ITGAE: variants seen among roughly 807,000 people sequenced by gnomAD.
ITGAE encodes integrin alpha-E.
ITGAE carries 99 observed loss-of-function variants against 136.5 expected under a neutral mutation model. That is an observed-to-expected ratio of 0.73 (90% CI 0.62 to 0.86). The LOEUF (loss-of-function observed/expected upper bound fraction) is 0.86. Ranked by LOEUF, ITGAE falls within the 40% of genes least tolerant of loss-of-function variation. ITGAE has a pLI of 0.00. For synonymous variants in ITGAE, 613 were observed against 591.8 expected, an observed-to-expected ratio of 1.04 and a Z score of -0.52; for missense variants, 1,447 against 1,515.3, an observed-to-expected ratio of 0.95 and a Z score of 0.75.
In ITGAE at chr17:3,743,378, C is replaced by T. The variant is rs118099994; in HGVS notation, c.2448+111G>A. 5.3e-3 allele frequency: 6,788 copies of T among 1,269,782 alleles called. 29 individuals are homozygous for T. Among genetic ancestry groups the T allele is most frequent in the Non-Finnish European group, 5.8e-3 (5,404 of 926,106 alleles). 78.7% of individuals were successfully genotyped at this position (1,269,782 alleles called of 1,614,324 possible). A position where few individuals can be genotyped will look rare whatever the true frequency, so the allele number is the denominator to read the frequency against. ...TGAGTACGGTGAGGGGCCCAAATGC[C>T]GTCTGAAGACATTGCCTCCCAACTC... On this transcript the variant is annotated intron_variant, in intron 19 of 30. Transcript: ENST00000263087.
intron 2 of ITGAE, among the ~76,000 whole-genome samples, chr17:3,771,604 G>A (rs1168327855): frequency 2.0e-5 from 3 of 148,722 alleles, no homozygotes; most frequent in Non-Finnish European, 3.0e-5. Flanking sequence ...GCAATGCTGC[G>A]GTCTTGGCTC....
At chr17:3,740,007 G>T in intron 19 of ITGAE, 129 bp from the exon 20 acceptor site, 1 of 718,118 alleles carries the variant, frequency 1.4e-6, no homozygotes, top group Non-Finnish European at 2.5e-6. Context: ...CAGTTACAGG[G>T]AGGTGAGGGG....
At position 3,757,697 on chromosome 17, in the gene ITGAE, GGCTCTT is replaced by G. The variant is rs2052062482; in HGVS notation, c.1020+3_1020+8del. Reference sequence around the variant, plus strand: ...GTTCAGGAGGTGTCTCCCGGCTCCTGGCTCTTACCCCAATGGCAAAGCGCTCAACAC... The same window carrying G: ...GTTCAGGAGGTGTCTCCCGGCTCCTGACCCCAATGGCAAAGCGCTCAACAC... On this transcript the variant is annotated splice_donor_5th_base_variant and intron_variant, in intron 9 of 30. Coordinates refer to ENST00000263087, the MANE Select transcript of ITGAE (RefSeq NM_002208.5). The G allele has an allele frequency of 6.2e-7, 1 of 1,613,274 alleles. No individual in the cohort carries two copies. The highest frequency in any genetic ancestry group is 8.5e-7 in the Non-Finnish European group (1 of 1,179,470).
chr17:3,737,100 C>T (rs2051475652), intron 20 of ITGAE, among the ~76,000 whole-genome samples: 1 of 152,088 alleles, frequency 6.6e-6, no homozygotes, highest in Non-Finnish European at 1.5e-5. Flanking sequence ...CAAGACCAGC[C>T]TGGCCAACAT....
intron 2 of ITGAE, among the ~76,000 whole-genome samples, chr17:3,769,408 A>C (rs2052369115): frequency 1.4e-5 from 2 of 147,702 alleles, no homozygotes; most frequent in African/African-American, 2.5e-5. Context: ...CAGGGTGCGC[A>C]CTGCAGATCC....
chr17:3,740,014 G>A, intron 19 of ITGAE, 136 bp from the exon 20 acceptor site: 1 of 700,246 alleles, frequency 1.4e-6, no homozygotes, highest in South Asian at 1.6e-5. Context: ...AGGGAGGTGA[G>A]GGGTGCAGGC....
At position 3,790,989 on chromosome 17, in the gene ITGAE, CT is replaced by C. The variant is rs1467255738; in HGVS notation, c.34+10121del. 3.3e-5 allele frequency among the ~76,000 whole-genome samples: 5 copies of C among 151,940 alleles called. No homozygotes were observed. The South Asian group carries it at 1.0e-3, about 32-fold the overall frequency. The stretch of plus-strand genomic sequence containing the variant: ...CTAACACGGTGAAACCCCTTCTCTA[CT>C]AAAACTACAAAAAAATTAGCCAGGC... On this transcript the variant is annotated intron_variant, in intron 1 of 30. Transcript: ENST00000263087.
intron 1 of ITGAE, among the ~76,000 whole-genome samples, chr17:3,789,915 T>C (rs1190136618): frequency 2.0e-5 from 3 of 152,180 alleles, no homozygotes; most frequent in East Asian, 1.9e-4. Flanking sequence ...ACCAAACTAT[T>C]TTGTGAGCCC....
chr17:3,753,674 C>T, intron 13 of ITGAE, 109 bp downstream of exon 13: 1 of 1,407,070 alleles, frequency 7.1e-7, no homozygotes, highest in Non-Finnish European at 9.6e-7. Context: ...CTGAGTTTCA[C>T]CCAGCCCGGG....
intron 30 of ITGAE, among the ~76,000 whole-genome samples, chr17:3,716,458 A>C (rs1394810482): frequency 6.6e-6 from 1 of 152,230 alleles, no homozygotes; most frequent in African/African-American, 2.4e-5. Flanking sequence ...ATAGGGAGGT[A>C]CCAAAGAAAT....
intron 2 of ITGAE, among the ~76,000 whole-genome samples, chr17:3,771,003 C>A (rs1206874046): frequency 2.0e-5 from 3 of 151,944 alleles, no homozygotes; most frequent in African/African-American, 4.8e-5. Flanking sequence ...AATGCAGAAC[C>A]AATTGCATAA....
At chr17:3,732,746 G>A (rs1051368779) in intron 21 of ITGAE, among the ~76,000 whole-genome samples, 4 of 152,132 alleles carry the variant, frequency 2.6e-5, no homozygotes, top group African/African-American at 7.2e-5. Flanking sequence ...ATTCCAACTC[G>A]GAGGAATTCG....
chr17:3,731,150 TCTC>T lies in ITGAE; in HGVS notation c.2785_2787del (p.Glu929del), dbSNP rs771939365. 20 of 1,613,516 alleles carry T rather than the reference TCTC, an allele frequency of 1.2e-5. No individual in the cohort carries two copies. The highest frequency in any genetic ancestry group is 2.2e-5 in the East Asian group (1 of 44,872). On this transcript the variant is annotated inframe_deletion, in exon 23 of 31. Transcript: ENST00000263087. Reference sequence around the variant, plus strand: ...TCTGCTGTCCTGTTTGGAAAGGCATTCTCCTCTAGCTGCCAAACGACTGAAACA... The same window carrying T: ...TCTGCTGTCCTGTTTGGAAAGGCATTCTCTAGCTGCCAAACGACTGAAACA...
chr17:3,753,807 G>T lies in ITGAE; in HGVS notation c.1503C>A (p.Phe501Leu), dbSNP rs750228331. Residue 501 changes from phenylalanine (F) to leucine (L), a missense_variant, in exon 13 of 31, where the codon TTC (phenylalanine) becomes TTA (leucine). Phe to Leu is a conservative substitution (Grantham distance 22, BLOSUM62 0). Around this residue, in one of 3 missense-constraint regions of ITGAE, gnomAD observed 1,031 missense variants for 1,011.4 expected, o/e 1.02. Coordinates refer to ENST00000263087, the MANE Select transcript of ITGAE (RefSeq NM_002208.5). Reference protein sequence around the residue: ...ELQKEGREASFLPVLEGEQMG... With the variant: ...ELQKEGREASLLPVLEGEQMG... ...CCTGCTCTCCCTCCAGCACTGGCAG[G>T]AAGCTGGCCTCTCTGCCCTCCTTCT... 6.2e-7 allele frequency: 1 copy of T among 1,614,206 alleles called. No homozygotes were observed. The highest frequency in any genetic ancestry group is 1.1e-5 in the South Asian group (1 of 91,088).
chr17:3,799,067 C>T lies in ITGAE; in HGVS notation c.34+2044G>A, dbSNP rs928533923. 6.6e-6 allele frequency among the ~76,000 whole-genome samples: 1 copy of T among 152,182 alleles called. No homozygotes were observed. Among genetic ancestry groups the T allele is most frequent in the Non-Finnish European group, 1.5e-5 (1 of 68,028 alleles). On this transcript the variant is annotated intron_variant, in intron 1 of 30. Transcript: ENST00000263087. The surrounding 1 kb of genome is among the most constrained non-coding windows in gnomAD (Gnocchi z 4.1). ...TTCTCTCCAGCCTAAGGAGGCCCAA[C>T]CCGGCACAGGGTACAGGGTGCTGGG...
intron 12 of ITGAE, among the ~76,000 whole-genome samples, 193 bp downstream of exon 12, chr17:3,754,923 TA>T (rs71362547): frequency 0.11 from 8,855 of 83,660 alleles, 592 homozygotes; most frequent in East Asian, 0.17. Flanking sequence ...CTCACCCAGG[TA>T]GCCCCCAGGC....
intron 1 of ITGAE, among the ~76,000 whole-genome samples, chr17:3,794,865 G>A (rs1266376543): frequency 6.6e-6 from 1 of 152,324 alleles, no homozygotes; most frequent in Middle Eastern, 3.4e-3. Flanking sequence ...CGGTATAACT[G>A]AAAAGGCACG....
At chr17:3,756,744 TG>T (rs2143033216) in intron 10 of ITGAE, among the ~76,000 whole-genome samples, 1 of 152,284 alleles carries the variant, frequency 6.6e-6, no homozygotes, top group African/African-American at 2.4e-5. Context: ...GGTTTTGCCA[TG>T]TTGCCCAGGC....
chr17:3,764,282 G>A (rs1201962581), intron 2 of ITGAE, among the ~76,000 whole-genome samples: 5 of 152,136 alleles, frequency 3.3e-5, no homozygotes, highest in African/African-American at 4.8e-5. Context: ...ACCAGCGTTG[G>A]GGTTGGTTCT....
Sources: gnomAD v4.1 joint callset for allele counts (sites outside exome capture counted in the v4.1 genomes callset) on GRCh38, gnomAD v4.1.1 for gene constraint, gnomAD v4.1.1 regional missense constraint, Gnocchi (gnomAD v3.1) non-coding constraint, MANE v1.5 for transcripts, NCBI Gene and HGNC (gene_info 2026-07-23, HGNC 2026-07-21) for gene names.